The following ME3 variants were observed in gnomAD, a reference collection of about 807,000 sequenced individuals.
ME3 encodes the protein malic enzyme 3.
In ME3, 48 loss-of-function variants were observed where a neutral mutation model predicts 68.9. That is an observed-to-expected ratio of 0.70 (90% CI 0.55 to 0.89). The LOEUF (loss-of-function observed/expected upper bound fraction) is 0.89. ME3 is among the 40% of genes least tolerant of loss of function. ME3 has a pLI of 0.00. For missense variants in ME3, 675 were observed against 797.4 expected, an observed-to-expected ratio of 0.85 and a Z score of 1.85; for synonymous variants, 320 against 318.8, an observed-to-expected ratio of 1.00 and a Z score of -0.04.
chr11:86,443,429 T>C (rs182749311), intron 13 of ME3, among the ~76,000 whole-genome samples: 1 of 152,346 alleles, frequency 6.6e-6, no homozygotes, highest in Non-Finnish European at 1.5e-5. Flanking sequence ...TTACACCTTA[T>C]TGGAATAAAT....
rs1254998619 is a variant in ME3, at chr11:86,672,021, GC to G, written c.-14-64del. The G allele has an allele frequency of 1.2e-4, 148 of 1,270,740 alleles. No homozygotes were observed. The African/African-American group carries it at 2.2e-3, about 19-fold the overall frequency. The allele number at this position is 1,270,740 out of a possible 1,614,324, so 78.7% of individuals were successfully genotyped here. On this transcript the variant is annotated intron_variant, in intron 1 of 14. Coordinates refer to ENST00000543262, the Ensembl canonical transcript of ME3. ...CAGCCAGCCAGGACCCACGCGCGCTGCGGGGCACCGGGCCTGATCCGGGGAC... is the reference window on the plus strand; with the variant it reads ...CAGCCAGCCAGGACCCACGCGCGCTGGGGGCACCGGGCCTGATCCGGGGAC...
chr11:86,562,250 A>G (rs1957273852), intron 2 of ME3, among the ~76,000 whole-genome samples: 1 of 152,226 alleles, frequency 6.6e-6, no homozygotes, highest in South Asian at 2.1e-4. Context: ...TCATTGAATA[A>G]CATTCCACTG....
rs564739936 is a variant in ME3, at chr11:86,595,086, T to C, written c.184-35263A>G. ...AGAAGGGAGTTTTGCTCTTTTTTAATAGAGGCCTTTAGAGGATGTTGAGGA... is the reference window on the plus strand; with the variant it reads ...AGAAGGGAGTTTTGCTCTTTTTTAACAGAGGCCTTTAGAGGATGTTGAGGA... On this transcript the variant is annotated intron_variant, in intron 2 of 14. Transcript: ENST00000543262. Among the ~76,000 whole-genome samples, 18 of 144,990 alleles carry C rather than the reference T, an allele frequency of 1.2e-4. 1 individual carries two copies. The highest frequency in any genetic ancestry group is 2.5e-4 in the Non-Finnish European group (17 of 66,854).
chr11:86,616,662 A>G (rs927980541), intron 2 of ME3, among the ~76,000 whole-genome samples: 3 of 152,154 alleles, frequency 2.0e-5, no homozygotes, highest in Admixed American at 1.3e-4. Flanking sequence ...GGAAAACATC[A>G]TATAAACCTA....
intron 4 of ME3, among the ~76,000 whole-genome samples, chr11:86,541,756 G>A (rs975818196): frequency 6.6e-6 from 1 of 152,246 alleles, no homozygotes; most frequent in African/African-American, 2.4e-5. Context: ...TGCCGGGTCT[G>A]AAGAGAGCAG....
intron 4 of ME3, among the ~76,000 whole-genome samples, chr11:86,542,231 A>C (rs1170610181): frequency 6.6e-6 from 1 of 152,176 alleles, no homozygotes; most frequent in Non-Finnish European, 1.5e-5. Flanking sequence ...AATTCCAAAA[A>C]CCAGAATGCC....
intron 2 of ME3, among the ~76,000 whole-genome samples, chr11:86,646,803 A>G (rs1365744591): frequency 6.6e-6 from 1 of 152,228 alleles, no homozygotes; most frequent in African/African-American, 2.4e-5. Context: ...AGCCAGAGGG[A>G]AAGGTCAGAT....
intron 7 of ME3, among the ~76,000 whole-genome samples, chr11:86,478,982 T>C (rs772301111): frequency 6.6e-6 from 1 of 152,184 alleles, no homozygotes; most frequent in Non-Finnish European, 1.5e-5. Context: ...TAGGGGATAC[T>C]CAGATAGCTG....
rs1286490920 is a variant in ME3, at chr11:86,666,669, A to G, written c.183+5093T>C. On this transcript the variant is annotated intron_variant, in intron 2 of 14. Coordinates refer to ENST00000543262, the Ensembl canonical transcript of ME3. ...TTCAATGCAACTGAGTCTTTGTACA[A>G]GCTCAAATCTAGAGTAAATTGCCAC... Among the ~76,000 whole-genome samples, 5 of 152,376 alleles carry G rather than the reference A, an allele frequency of 3.3e-5. No homozygotes were observed. The South Asian group carries it at 6.2e-4, about 19-fold the overall frequency.
intron 13 of ME3, among the ~76,000 whole-genome samples, chr11:86,444,570 T>C (rs1029772573): frequency 2.0e-5 from 3 of 152,192 alleles, no homozygotes; most frequent in Non-Finnish European, 4.4e-5. Context: ...AGATATATCA[T>C]GGTATGTGTG....
intron 6 of ME3, among the ~76,000 whole-genome samples, chr11:86,493,707 C>T (rs765439610): frequency 3.3e-5 from 5 of 152,198 alleles, no homozygotes; most frequent in Non-Finnish European, 5.9e-5. Context: ...CATGGCGCCA[C>T]ATATTTATTT....
At chr11:86,559,630 A>C in intron 3 of ME3, 60 bp downstream of exon 3, 1 of 1,536,846 alleles carries the variant, frequency 6.5e-7, no homozygotes, top group East Asian at 2.3e-5. Context: ...TCTGTGAAGC[A>C]CAGGAAACAG....
intron 2 of ME3, among the ~76,000 whole-genome samples, chr11:86,584,149 G>A (rs1958599828): frequency 6.6e-6 from 1 of 152,130 alleles, no homozygotes; most frequent in South Asian, 2.1e-4. Context: ...ATTGTAAAAT[G>A]GGCTAAGGAC....
At chr11:86,449,194 A>G (rs537317669) in intron 10 of ME3, among the ~76,000 whole-genome samples, 2 of 152,286 alleles carry the variant, frequency 1.3e-5, no homozygotes, top group East Asian at 3.9e-4. Context: ...CTGACATTCT[A>G]TGTTAGTGAA....
At position 86,447,218 on chromosome 11, in the gene ME3, A is replaced by G. The variant is rs180829449; in HGVS notation, c.1238-11T>C. On this transcript the variant is annotated splice_polypyrimidine_tract_variant and intron_variant, in intron 11 of 14. Coordinates refer to ENST00000543262, the Ensembl canonical transcript of ME3. ...CGATGGCAGCAACACCTACAGGGAA[A>G]AGGCGGGTAGTGGGGATGCCTGCTC... The G allele has an allele frequency of 6.2e-7, 1 of 1,613,510 alleles. No homozygotes were observed. Among genetic ancestry groups the G allele is most frequent in the African/African-American group, 1.3e-5 (1 of 75,038 alleles).
chr11:86,540,339 G>C (rs911293411), intron 4 of ME3, among the ~76,000 whole-genome samples: 3 of 152,174 alleles, frequency 2.0e-5, no homozygotes, highest in Non-Finnish European at 2.9e-5. Flanking sequence ...CTCCTATCCA[G>C]TCTACCGCTA....
At chr11:86,541,491 G>A (rs941845012) in intron 4 of ME3, among the ~76,000 whole-genome samples, 1 of 152,228 alleles carries the variant, frequency 6.6e-6, no homozygotes, top group African/African-American at 2.4e-5. Context: ...TGAGGTTTGA[G>A]TAGGTGGTTT....
At chr11:86,516,365 CTCTCTT>C (rs764605993) in intron 4 of ME3, among the ~76,000 whole-genome samples, 223 of 122,108 alleles carry the variant, frequency 1.8e-3, no homozygotes, top group Non-Finnish European at 3.3e-3. Context: ...CTCTCTCTCT[CTCTCTT>C]TGTGTGTGTG....
chr11:86,532,989 T>C (rs1007520841), intron 4 of ME3, among the ~76,000 whole-genome samples: 2 of 151,150 alleles, frequency 1.3e-5, no homozygotes, highest in African/African-American at 4.9e-5. Context: ...GAGGCAGAGG[T>C]TGCAGTGAGC....
Sources: gnomAD v4.1 joint callset for allele counts (sites outside exome capture counted in the v4.1 genomes callset) on GRCh38, gnomAD v4.1.1 for gene constraint, MANE v1.5 for transcripts, NCBI Gene and HGNC (gene_info 2026-07-23, HGNC 2026-07-21) for gene names.